Variants in URB1 observed in about 807,000 individuals in gnomAD.
URB1 encodes the protein URB1 ribosome biogenesis factor, also known as nucleolar pre-ribosomal-associated protein 1.
In URB1, 197 loss-of-function variants were observed where a neutral mutation model predicts 242.3. The ratio of observed to expected loss-of-function variants is 0.81; its 90% CI spans 0.72 to 0.91. The LOEUF is 0.91. Ranked by LOEUF, URB1 falls within the 40% of genes least tolerant of loss-of-function variation. The pLI, the probability that URB1 is intolerant of heterozygous loss-of-function variation, is 0.00. For synonymous variants in URB1, 1,153 were observed against 1,201.8 expected (o/e 0.96, Z 0.84); for missense variants, 2,721 against 2,860.5 (o/e 0.95, Z 1.11).
intron 1 of URB1, among the ~76,000 whole-genome samples, chr21:32,391,914 C>T (rs1448790149): frequency 1.3e-5 from 2 of 150,652 alleles, no homozygotes; most frequent in African/African-American, 4.9e-5. Flanking sequence ...ATCTCAGCTA[C>T]TTGGGAGGCT....
At chr21:32,377,552 C>T (rs1356059507) in intron 5 of URB1, among the ~76,000 whole-genome samples, 2 of 151,996 alleles carry the variant, frequency 1.3e-5, no homozygotes, top group Admixed American at 6.5e-5. Flanking sequence ...AAAATCTGTC[C>T]GCTGCATTAT....
At position 32,315,039 on chromosome 21, in the gene URB1, G is replaced by A. The variant is rs1375993001; in HGVS notation, c.6695C>T (p.Pro2232Leu). The A allele has an allele frequency of 1.0e-5, 16 of 1,550,456 alleles. No individual in the cohort carries two copies. The East Asian group carries it at 1.2e-4, about 12-fold the overall frequency. ...IKDIWLGAQR[P>L]DTLLTHVRMV... Reference sequence around the variant, plus strand: ...CCGGACGTGGGTTAAGAGGGTGTCCGGCCGCTGAGCCCCCAGCCAGATGTC... The same window carrying A: ...CCGGACGTGGGTTAAGAGGGTGTCCAGCCGCTGAGCCCCCAGCCAGATGTC... Residue 2232 changes from proline to leucine, a missense_variant, in exon 39 of 39, where the codon CCG (proline) becomes CTG (leucine). Pro to Leu is a moderately conservative substitution (Grantham distance 98). Coordinates refer to ENST00000382751, the MANE Select transcript of URB1 (RefSeq NM_014825.3).
Position 32,314,636 on chromosome 21 carries a change from G to A in URB1, c.*282C>T. Reference sequence around the variant, plus strand: ...CTGTGATGAGCTCCAAGCCCCTAGAGAGGAAGGGGCGGCCTGACGAGGCAC... The same window carrying A: ...CTGTGATGAGCTCCAAGCCCCTAGAAAGGAAGGGGCGGCCTGACGAGGCAC... On this transcript the variant is annotated 3_prime_UTR_variant, in exon 39 of 39. Transcript: ENST00000382751. 2.5e-6 allele frequency: 4 copies of A among 1,614,172 alleles called. No individual in the cohort carries two copies. The highest frequency in any genetic ancestry group is 2.5e-6 in the Non-Finnish European group (3 of 1,179,992).
At chr21:32,331,950 T>C (rs2032897996) in intron 30 of URB1, among the ~76,000 whole-genome samples, 1 of 152,182 alleles carries the variant, frequency 6.6e-6, no homozygotes, top group South Asian at 2.1e-4. Flanking sequence ...GTAAGGACTT[T>C]CAGCATGCCC....
intron 34 of URB1, among the ~76,000 whole-genome samples, chr21:32,321,490 C>T (rs112277940): frequency 6.6e-6 from 1 of 152,166 alleles, no homozygotes; most frequent in Non-Finnish European, 1.5e-5. Context: ...GATTACTGAT[C>T]AGTACCCCCC....
chr21:32,362,159 G>C, intron 11 of URB1, 138 bp from the exon 12 acceptor site: 3 of 1,155,894 alleles, frequency 2.6e-6, no homozygotes, highest in Non-Finnish European at 3.6e-6. Flanking sequence ...GGAGAGGGAA[G>C]AGTGGTGAGA....
intron 37 of URB1, 120 bp downstream of exon 37, chr21:32,317,556 C>T: frequency 1.4e-6 from 2 of 1,419,718 alleles, no homozygotes; most frequent in Non-Finnish European, 1.9e-6. Context: ...TGGATGTGTC[C>T]CATCTCTGAG....
chr21:32,333,198 A>C, intron 30 of URB1, 119 bp downstream of exon 30: 1 of 848,224 alleles, frequency 1.2e-6, no homozygotes, highest in Admixed American at 2.0e-5. Context: ...AGATCCTTTA[A>C]GAATTATTTC....
rs1031627778 is a variant in URB1 at position 32,315,020 on chromosome 21, G to A, written c.6714C>T (p.His2238=). ...CTGCGGCCTCACACACCATCCGGACGTGGGTTAAGAGGGTGTCCGGCCGCT... is the reference window on the plus strand; with the variant it reads ...CTGCGGCCTCACACACCATCCGGACATGGGTTAAGAGGGTGTCCGGCCGCT... ...GAQRPDTLLT[H]VRMVCEAADD... is the part of the protein sequence containing the mutation. The change falls in exon 39 of 39, where the codon CAC becomes CAT. Residue 2238 remains histidine, a synonymous_variant. Coordinates refer to ENST00000382751, the MANE Select transcript of URB1 (RefSeq NM_014825.3). 11 of 1,551,652 alleles carry A rather than the reference G, an allele frequency of 7.1e-6. No individual in the cohort carries two copies. The Admixed American group carries it at 1.4e-4, about 19-fold the overall frequency.
rs370137556 is a variant in URB1, at chr21:32,363,177, G to C, written c.1488C>G (p.Leu496=). The C allele has an allele frequency of 1.3e-4, 208 of 1,551,956 alleles. No individual in the cohort carries two copies. The African/African-American group carries it at 2.4e-3, about 18-fold the overall frequency. Residue 496 remains leucine (L), a synonymous_variant, in exon 11 of 39, where the codon CTC becomes CTG. Coordinates refer to ENST00000382751, the MANE Select transcript of URB1 (RefSeq NM_014825.3). ...CTACCTTGCTCAGGGCTTCTCTGAA[G>C]AGCTGCACGAATTCTTCCATCATCA... ...TAVMMEEFVQ[L]FREALSKILP...
chr21:32,334,371 GC>G (rs1158333417), intron 28 of URB1, 37 bp from the exon 29 acceptor site: 3 of 1,517,510 alleles, frequency 2.0e-6, no homozygotes, highest in African/African-American at 2.8e-5. Context: ...TGGTCACAGA[GC>G]CCCCCGGGAA....
In URB1 at chr21:32,338,883, T is replaced by C. The variant is rs1384708738; in HGVS notation, c.4334A>G (p.His1445Arg). 14 of 1,546,536 alleles carry C rather than the reference T, an allele frequency of 9.1e-6. No individual in the cohort carries two copies. Among genetic ancestry groups the C allele is most frequent in the Non-Finnish European group, 1.1e-5 (13 of 1,142,824 alleles). The change falls in exon 26 of 39, where the codon CAC (histidine) becomes CGC (arginine). Residue 1445 changes from histidine to arginine, a missense_variant. His to Arg is a conservative substitution (Grantham distance 29, BLOSUM62 0). Coordinates refer to ENST00000382751, the MANE Select transcript of URB1 (RefSeq NM_014825.3). ...GGTGAGGAGCATCTTTAAAAATGTG[T>C]GGTCCTGGTACCGAAATCTAGGCGG... is the stretch of plus-strand genomic sequence containing the variant. Reference protein sequence around the residue: ...KKGLKFRYQDHTFLKMLLTAV... With the variant: ...KKGLKFRYQDRTFLKMLLTAV...
intron 11 of URB1, 122 bp from the exon 12 acceptor site, chr21:32,362,143 TAAG>T (rs1466925930): frequency 7.1e-6 from 9 of 1,264,746 alleles, no homozygotes; most frequent in Non-Finnish European, 8.6e-6. Flanking sequence ...GGAGTGCGTG[TAAG>T]AAGGAGAGGG....
Position 32,362,037 on chromosome 21 carries a change from A to C in URB1, c.1510-16T>G, listed in dbSNP as rs1000334838. ...CTGGCAAAATCTAAATGGGAAAAAG[A>C]AGCAGAACATTAGTTGTAGTCAACC... On this transcript the variant is annotated splice_polypyrimidine_tract_variant and intron_variant, in intron 11 of 38. Coordinates refer to ENST00000382751, the MANE Select transcript of URB1 (RefSeq NM_014825.3). The C allele has an allele frequency of 3.2e-6, 5 of 1,550,772 alleles. No homozygotes were observed. Among genetic ancestry groups the C allele is most frequent in the African/African-American group, 1.4e-5 (1 of 72,996 alleles).
intron 18 of URB1, 117 bp from the exon 19 acceptor site, chr21:32,353,023 T>G (rs2033176148): frequency 1.9e-6 from 2 of 1,046,314 alleles, no homozygotes; most frequent in South Asian, 3.4e-5. Context: ...TGCAACTCCA[T>G]GAGGGGACAC....
At chr21:32,352,129 A>G (rs2033165175) in intron 19 of URB1, among the ~76,000 whole-genome samples, 1 of 152,254 alleles carries the variant, frequency 6.6e-6, no homozygotes, top group Non-Finnish European at 1.5e-5. Context: ...TTTCGAATGC[A>G]GCTAAAATGA....
chr21:32,361,813 T>C (rs113447942), intron 12 of URB1, 79 bp downstream of exon 12: 1 of 1,488,022 alleles, frequency 6.7e-7, no homozygotes, highest in East Asian at 2.5e-5. Flanking sequence ...ACTCTCTGGA[T>C]AGGAGCTATC....
At chr21:32,383,769 A>G (rs1236945395) in intron 3 of URB1, among the ~76,000 whole-genome samples, 1 of 152,234 alleles carries the variant, frequency 6.6e-6, no homozygotes, top group Non-Finnish European at 1.5e-5. Context: ...TAGGATTAAC[A>G]ATATAAACAC....
chr21:32,371,884 C>A (rs1406888648), intron 8 of URB1, among the ~76,000 whole-genome samples: 1 of 151,712 alleles, frequency 6.6e-6, no homozygotes, highest in East Asian at 1.9e-4. Context: ...AGAATATGAT[C>A]AAAACCAGTA....
Sources: gnomAD v4.1 joint callset for allele counts (sites outside exome capture counted in the v4.1 genomes callset) on GRCh38, gnomAD v4.1.1 for gene constraint, MANE v1.5 for transcripts, NCBI Gene and HGNC (gene_info 2026-07-23, HGNC 2026-07-21) for gene names.